PARD3B: variants seen among roughly 807,000 people sequenced by gnomAD.
PARD3B encodes par-3 family cell polarity regulator beta.
A neutral mutation model predicts 130.2 loss-of-function variants in PARD3B; 103 were observed. The ratio of observed to expected loss-of-function variants is 0.79; its 90% CI spans 0.67 to 0.93. The LOEUF is 0.93. Among genes scored for constraint, PARD3B ranks in the 40% least tolerant of loss-of-function variants. The pLI is 0.00. For synonymous variants in PARD3B, 583 were observed against 553.2 expected (o/e 1.05, Z -0.76); for missense variants, 1,609 against 1,499.2 (o/e 1.07, Z -1.21).
chr2:204,960,166 T>C (rs1690619517), intron 2 of PARD3B, among the ~76,000 whole-genome samples: 1 of 152,204 alleles, frequency 6.6e-6, no homozygotes, highest in Non-Finnish European at 1.5e-5. Flanking sequence ...GAAGTTTTAT[T>C]CACATTTGTC....
chr2:204,578,760 C>T (rs2032396612), intron 1 of PARD3B, among the ~76,000 whole-genome samples: 1 of 152,126 alleles, frequency 6.6e-6, no homozygotes, highest in Non-Finnish European at 1.5e-5. Flanking sequence ...TGATACGTTG[C>T]TGTTTGTGGA....
chr2:204,659,601 C>T (rs1425515525), intron 1 of PARD3B, among the ~76,000 whole-genome samples: 1 of 152,092 alleles, frequency 6.6e-6, no homozygotes, highest in Non-Finnish European at 1.5e-5. Context: ...CATGTTTCCC[C>T]CACATCATCC....
intron 10 of PARD3B, among the ~76,000 whole-genome samples, chr2:205,152,205 T>G (rs540521535): frequency 8.5e-5 from 13 of 152,318 alleles, no homozygotes; most frequent in Non-Finnish European, 1.8e-4. Context: ...TTTCCTTCAT[T>G]TCAACCTTGG....
intron 22 of PARD3B, among the ~76,000 whole-genome samples, chr2:205,556,938 C>T (rs893663487): frequency 6.6e-6 from 1 of 152,152 alleles, no homozygotes; most frequent in African/African-American, 2.4e-5. Flanking sequence ...ATTCTGATTT[C>T]GCAGGCCTCC....
intron 2 of PARD3B, among the ~76,000 whole-genome samples, chr2:204,893,422 T>G (rs903544154): frequency 6.6e-6 from 1 of 152,090 alleles, no homozygotes; most frequent in African/African-American, 2.4e-5. Flanking sequence ...TTTTATGAGA[T>G]GACCACAAGT....
At chr2:204,571,092 G>C (rs2125068132) in intron 1 of PARD3B, among the ~76,000 whole-genome samples, 1 of 152,292 alleles carries the variant, frequency 6.6e-6, no homozygotes, top group African/African-American at 2.4e-5. Context: ...CTGATTTCTG[G>C]ATACTTTATT....
Position 204,714,547 on chromosome 2 carries a change from A to G in PARD3B, c.222+28265A>G, listed in dbSNP as rs147360246. ...TGTCCTGACACAAAAGCACAGTGTG[A>G]CTGGTCAGTCGTTTCTTCCTTTCCA... On this transcript the variant is annotated intron_variant, in intron 2 of 22. Transcript: ENST00000406610. 1.0e-3 allele frequency among the ~76,000 whole-genome samples: 156 copies of G among 152,300 alleles called. 1 individual carries two copies. In the East Asian group the frequency reaches 0.026, roughly 26 times the overall value.
rs999448340 is a variant in PARD3B, at chr2:205,440,791, C to A, written c.3044+119C>A. ...CAATTAAAACTGAAACGAGTCAGTA[C>A]CCTAGACAAGTGCCATCCTTTGACC... On this transcript the variant is annotated intron_variant, in intron 20 of 22. Transcript: ENST00000406610. The surrounding 1 kb of genome is among the most constrained non-coding windows in gnomAD (Gnocchi z 4.2). The A allele has an allele frequency of 9.3e-7, 1 of 1,076,814 alleles. No individual in the cohort carries two copies. The highest frequency in any genetic ancestry group is 2.7e-5 in the Admixed American group (1 of 36,938). The allele number at this position is 1,076,814 out of a possible 1,614,324, so 66.7% of individuals were successfully genotyped here. A position where few individuals can be genotyped will look rare whatever the true frequency, so the allele number is the denominator to read the frequency against.
Position 205,620,078 on chromosome 2 carries a change from A to G in PARD3B, c.*4265A>G, listed in dbSNP as rs1459683399. 1 of 152,178 alleles carries G rather than the reference A, an allele frequency of 6.6e-6. No homozygotes were observed. Among genetic ancestry groups the G allele is most frequent in the African/African-American group, 2.4e-5 (1 of 41,444 alleles). The allele number at this position is 152,178 out of a possible 1,614,324, so 9.4% of individuals were successfully genotyped here. A position where few individuals can be genotyped will look rare whatever the true frequency, so the allele number is the denominator to read the frequency against. On this transcript the variant is annotated 3_prime_UTR_variant, in exon 23 of 23. Coordinates refer to ENST00000406610, the MANE Select transcript of PARD3B (RefSeq NM_001302769.2). ...TAAGATGATCCATTTGTACCACAGA[A>G]AACATTTTGGAAGTTGTTATATATG...
intron 2 of PARD3B, among the ~76,000 whole-genome samples, chr2:204,871,796 C>T (rs1231139152): frequency 6.6e-6 from 1 of 152,072 alleles, no homozygotes; most frequent in Non-Finnish European, 1.5e-5. Context: ...CTAGATGGAG[C>T]TATGAGATCT....
chr2:205,263,304 C>T lies in PARD3B; in HGVS notation c.2185+17482C>T, dbSNP rs986991305. ...GGTGACAAAGGTGGTGGGGCAAAAA[C>T]AGTGGGAATATATGGAAGCAGCAAG... On this transcript the variant is annotated intron_variant, in intron 16 of 22. Transcript: ENST00000406610. This position sits in a 1 kb window ranked among gnomAD's most constrained non-coding sequence, Gnocchi z 4.0. Among the ~76,000 whole-genome samples the T allele has an allele frequency of 6.6e-6, 1 of 151,456 alleles. No individual in the cohort carries two copies. The highest frequency in any genetic ancestry group is 6.6e-5 in the Admixed American group (1 of 15,170).
In PARD3B at chr2:205,253,520, C is replaced by T. The variant is rs2039946792; in HGVS notation, c.2185+7698C>T. 1 of 545,376 alleles carries T rather than the reference C, an allele frequency of 1.8e-6. No homozygotes were observed. The highest frequency in any genetic ancestry group is 3.7e-6 in the Non-Finnish European group (1 of 268,646). 33.8% of individuals were successfully genotyped at this position (545,376 alleles called of 1,614,324 possible). A position where few individuals can be genotyped will look rare whatever the true frequency, so the allele number is the denominator to read the frequency against. On this transcript the variant is annotated intron_variant, in intron 16 of 22. Transcript: ENST00000406610. The surrounding 1 kb of genome is among the most constrained non-coding windows in gnomAD (Gnocchi z 4.4). ...GAAGTACCTGGGGAAGCAGGAGAGA[C>T]TCACACTGCTGTCATGGCCCCACAG...
At chr2:204,692,133 C>T (rs1170300515) in intron 2 of PARD3B, among the ~76,000 whole-genome samples, 7 of 152,078 alleles carry the variant, frequency 4.6e-5, no homozygotes, top group Non-Finnish European at 1.0e-4. Flanking sequence ...ACCTAGAAAC[C>T]AGCTCACAGG....
chr2:204,631,059 A>T (rs1298590357), intron 1 of PARD3B, among the ~76,000 whole-genome samples: 1 of 151,870 alleles, frequency 6.6e-6, no homozygotes, highest in Non-Finnish European at 1.5e-5. Flanking sequence ...TCAACTGGAG[A>T]TCTTTGTAGT....
chr2:205,146,249 G>T lies in PARD3B; in HGVS notation c.1435-12473G>T, dbSNP rs2033349463. On this transcript the variant is annotated intron_variant, in intron 10 of 22. Coordinates refer to ENST00000406610, the MANE Select transcript of PARD3B (RefSeq NM_001302769.2). The surrounding 1 kb of genome is among the most constrained non-coding windows in gnomAD (Gnocchi z 4.3). ...TACATGCAGGTAGCCTGGCATCAAA[G>T]AATTTGTGATAGCAAAGATATTGGA... Among the ~76,000 whole-genome samples, 1 of 152,192 alleles carries T rather than the reference G, an allele frequency of 6.6e-6. No homozygotes were observed. Among genetic ancestry groups the T allele is most frequent in the Admixed American group, 6.6e-5 (1 of 15,266 alleles).
chr2:205,576,499 C>T (rs1315094135), intron 22 of PARD3B, among the ~76,000 whole-genome samples: 1 of 152,134 alleles, frequency 6.6e-6, no homozygotes, highest in African/African-American at 2.4e-5. Flanking sequence ...TGTCTAGATT[C>T]ATTTTTTGCA....
At chr2:205,067,247 C>A (rs1382541297) in intron 4 of PARD3B, among the ~76,000 whole-genome samples, 1 of 151,568 alleles carries the variant, frequency 6.6e-6, no homozygotes, top group Non-Finnish European at 1.5e-5. Context: ...CTGTAAGAAA[C>A]TCAAATTCCT....
At chr2:204,952,974 G>A (rs1306615138) in intron 2 of PARD3B, among the ~76,000 whole-genome samples, 1 of 147,092 alleles carries the variant, frequency 6.8e-6, no homozygotes, top group Admixed American at 6.9e-5. Flanking sequence ...TCCAGCCTGG[G>A]CGACAGTGCG....
intron 18 of PARD3B, among the ~76,000 whole-genome samples, chr2:205,314,311 C>A (rs2042488758): frequency 6.6e-6 from 1 of 152,112 alleles, no homozygotes; most frequent in South Asian, 2.1e-4. Context: ...AAGCAGCCTC[C>A]CGAGAGCCTG....
Sources: gnomAD v4.1 joint callset for allele counts (sites outside exome capture counted in the v4.1 genomes callset) on GRCh38, gnomAD v4.1.1 for gene constraint, Gnocchi (gnomAD v3.1) non-coding constraint, MANE v1.5 for transcripts, NCBI Gene and HGNC (gene_info 2026-07-23, HGNC 2026-07-21) for gene names.